The following SNTG1 variants were observed in gnomAD, a reference collection of about 807,000 sequenced individuals.
SNTG1 encodes the protein gamma-1-syntrophin.
Under a neutral mutation model 74.7 loss-of-function variants are expected in SNTG1, and 39 were observed. The observed-to-expected ratio is 0.52, with a 90% CI of 0.40 to 0.68. The LOEUF is 0.68. Among genes scored for constraint, SNTG1 ranks in the 30% least tolerant of loss-of-function variants. The pLI, the probability that SNTG1 is intolerant of heterozygous loss-of-function variation, is 0.00. For missense variants in SNTG1, 685 were observed against 609.5 expected (o/e 1.12, Z -1.30); for synonymous variants, 254 against 217.1 (o/e 1.17, Z -1.49).
intron 2 of SNTG1, among the ~76,000 whole-genome samples, chr8:50,309,210 G>A (rs1301770198): frequency 6.6e-6 from 1 of 152,104 alleles, no homozygotes; most frequent in African/African-American, 2.4e-5. Flanking sequence ...AGGGCACCTA[G>A]GTTTAAGTTT....
At chr8:50,284,928 CT>C (rs1161257243) in intron 2 of SNTG1, among the ~76,000 whole-genome samples, 1 of 151,838 alleles carries the variant, frequency 6.6e-6, no homozygotes, top group Non-Finnish European at 1.5e-5. Context: ...ATTTTTTTTA[CT>C]TTTAAAAGTA....
intron 2 of SNTG1, among the ~76,000 whole-genome samples, chr8:50,257,494 A>C (rs1275609347): frequency 1.3e-5 from 2 of 152,142 alleles, no homozygotes; most frequent in African/African-American, 4.8e-5. Context: ...GTGTTCTTTG[A>C]ACTAATTTCG....
chr8:50,781,033 C>T (rs1002733248), intron 18 of SNTG1, among the ~76,000 whole-genome samples: 1 of 152,146 alleles, frequency 6.6e-6, no homozygotes, highest in East Asian at 1.9e-4. Flanking sequence ...TTTCTTAATC[C>T]TGAGTTCTAG....
At chr8:49,982,549 T>A (rs1021088045) in intron 1 of SNTG1, among the ~76,000 whole-genome samples, 13 of 149,524 alleles carry the variant, frequency 8.7e-5, no homozygotes, top group Non-Finnish European at 1.9e-4. Context: ...AAATATGAAA[T>A]TCATCAGGTG....
chr8:50,563,976 C>A (rs1563581349), intron 12 of SNTG1, among the ~76,000 whole-genome samples: 2 of 152,134 alleles, frequency 1.3e-5, no homozygotes, highest in Admixed American at 1.3e-4. Context: ...GAATAAAAAT[C>A]TCTCTCATTA....
At chr8:49,941,209 A>G (rs1316671544) in intron 1 of SNTG1, among the ~76,000 whole-genome samples, 3 of 152,042 alleles carry the variant, frequency 2.0e-5, no homozygotes, top group Non-Finnish European at 2.9e-5. Context: ...TCCAAAAAAT[A>G]TGAATATAAC....
intron 4 of SNTG1, among the ~76,000 whole-genome samples, chr8:50,413,256 G>A (rs1481477): frequency 0.92 from 140,779 of 152,266 alleles, 65,650 homozygotes; most frequent in Non-Finnish European, 1. Flanking sequence ...GATGATAGAT[G>A]CATAGAGGCA....
At chr8:50,015,510 G>A (rs10435582) in intron 1 of SNTG1, among the ~76,000 whole-genome samples, 78,731 of 148,260 alleles carry the variant, frequency 0.53, 23,946 homozygotes, top group East Asian at 0.8. Context: ...TTCCAAATTT[G>A]TGTAAAAAAA....
At chr8:50,308,739 G>T (rs1477710170) in intron 2 of SNTG1, among the ~76,000 whole-genome samples, 1 of 152,112 alleles carries the variant, frequency 6.6e-6, no homozygotes, top group Non-Finnish European at 1.5e-5. Context: ...TAAAATAAAA[G>T]TTGCTATCAT....
intron 2 of SNTG1, among the ~76,000 whole-genome samples, chr8:50,294,120 TAATAA>T (rs1302705850): frequency 6.6e-6 from 1 of 151,996 alleles, no homozygotes; most frequent in East Asian, 1.9e-4. Flanking sequence ...CTGTAGAAAA[TAATAA>T]AATAAAAATA....
chr8:50,644,666 G>A (rs4601323), intron 13 of SNTG1, among the ~76,000 whole-genome samples: 34,520 of 151,930 alleles, frequency 0.23, 4,566 homozygotes, highest in African/African-American at 0.35. Flanking sequence ...ACTGTGGTGT[G>A]GTAGTGGTAG....
intron 11 of SNTG1, among the ~76,000 whole-genome samples, chr8:50,549,365 C>T (rs192467660): frequency 6.6e-6 from 1 of 152,182 alleles, no homozygotes; most frequent in African/African-American, 2.4e-5. Flanking sequence ...TTCTTTCCTT[C>T]AATAACATCC....
intron 13 of SNTG1, among the ~76,000 whole-genome samples, chr8:50,595,569 G>A (rs2094721831): frequency 6.6e-6 from 1 of 151,996 alleles, no homozygotes; most frequent in Non-Finnish European, 1.5e-5. Context: ...ATACACATAA[G>A]TACCTGGGTT....
intron 1 of SNTG1, among the ~76,000 whole-genome samples, chr8:50,125,396 A>G (rs1295528505): frequency 7.0e-6 from 1 of 142,422 alleles, no homozygotes; most frequent in Non-Finnish European, 1.6e-5. Context: ...ATTGAAGAAG[A>G]TGGTTAATTT....
intron 2 of SNTG1, among the ~76,000 whole-genome samples, chr8:50,330,128 G>A (rs576674174): frequency 6.6e-6 from 1 of 152,270 alleles, no homozygotes; most frequent in African/African-American, 2.4e-5. Context: ...GGACTCAGTT[G>A]GAAGTAATTG....
In SNTG1 at chr8:50,003,785, T is replaced by C. The variant is rs997987508; in HGVS notation, c.-103+91554T>C. ...ATAAAAATGATTTGGTCATTTTCTTTCTGGAAAACACCCAAATGAAAACTG... is the reference window on the plus strand; with the variant it reads ...ATAAAAATGATTTGGTCATTTTCTTCCTGGAAAACACCCAAATGAAAACTG... On this transcript the variant is annotated intron_variant, in intron 1 of 18. Transcript: ENST00000642720. Among the ~76,000 whole-genome samples, 8 of 152,298 alleles carry C rather than the reference T, an allele frequency of 5.3e-5. No homozygotes were observed. The East Asian group carries it at 1.4e-3, about 26-fold the overall frequency.
At chr8:50,586,019 AT>A (rs1295410382) in intron 12 of SNTG1, among the ~76,000 whole-genome samples, 7 of 152,096 alleles carry the variant, frequency 4.6e-5, no homozygotes, top group Admixed American at 1.3e-4. Context: ...CAATGGATTC[AT>A]TTTCCCTCTA....
At chr8:50,241,566 G>T (rs1014913597) in intron 2 of SNTG1, among the ~76,000 whole-genome samples, 15 of 152,200 alleles carry the variant, frequency 9.9e-5, no homozygotes, top group African/African-American at 3.6e-4. Context: ...TGATGTCCCA[G>T]TGGGCAGACA....
intron 1 of SNTG1, among the ~76,000 whole-genome samples, chr8:50,016,288 T>C (rs1363890241): frequency 6.6e-6 from 1 of 152,136 alleles, no homozygotes; most frequent in Non-Finnish European, 1.5e-5. Flanking sequence ...TGTTGTTGCA[T>C]AGAATAAGAC....
Sources: gnomAD v4.1 joint callset for allele counts (sites outside exome capture counted in the v4.1 genomes callset) on GRCh38, gnomAD v4.1.1 for gene constraint, MANE v1.5 for transcripts, NCBI Gene and HGNC (gene_info 2026-07-23, HGNC 2026-07-21) for gene names.